Variants in MED28 observed in about 807,000 individuals in gnomAD.
The protein encoded by MED28 is mediator of RNA polymerase II transcription subunit 28.
A neutral mutation model predicts 21.3 loss-of-function variants in MED28; 26 were observed. The ratio of observed to expected loss-of-function variants is 1.22; its 90% confidence interval spans 0.89 to 1.69. The LOEUF (loss-of-function observed/expected upper bound fraction) is 1.69. Among genes scored for constraint, MED28 ranks in the 40% most tolerant of loss-of-function variants. The probability of loss-of-function intolerance (pLI) is 0.00; values close to 1 mark genes in which losing one functional copy is unlikely to be tolerated. For synonymous variants in MED28, 110 were observed against 87.6 expected, an observed-to-expected ratio of 1.26 and a Z score of -1.43; for missense variants, 257 against 215.4, an observed-to-expected ratio of 1.19 and a Z score of -1.21.
intron 2 of MED28, 128 bp downstream of exon 2, chr4:17,620,095 C>A: frequency 2.5e-6 from 2 of 807,272 alleles, no homozygotes; most frequent in South Asian, 1.5e-5. Flanking sequence ...AAAATGTGTG[C>A]ACATAATCTC....
Position 17,633,835 on chromosome 4 carries a change from G to C in MED28, c.*10037G>C, listed in dbSNP as rs1321877254. 16 of 1,551,448 alleles carry C rather than the reference G, an allele frequency of 1.0e-5. No individual in the cohort carries two copies. In the South Asian group the frequency reaches 1.8e-4, roughly 17 times the overall value. On this transcript the variant is annotated 3_prime_UTR_variant, in exon 4 of 4. Transcript: ENST00000237380. ...CACTCAGAAAGTTCTTTGCATAGGA[G>C]GCGAGGTTCGGCACGCTGACCACGC...
Position 17,632,598 on chromosome 4 carries a change from G to A in MED28, c.*8800G>A. The A allele has an allele frequency of 6.4e-7, 1 of 1,551,102 alleles. No individual in the cohort carries two copies. The highest frequency in any genetic ancestry group is 8.7e-7 in the Non-Finnish European group (1 of 1,146,686). On this transcript the variant is annotated 3_prime_UTR_variant, in exon 4 of 4. Transcript: ENST00000237380. ...AGCCCTGTTTCTGCTGGACTTCTTT[G>A]GCTTGGGCCGTTTCACCATCTGGGG...
chr4:17,623,720 C>G lies in MED28; in HGVS notation c.459C>G (p.Pro153=), dbSNP rs371644664. The G allele has an allele frequency of 6.2e-7, 1 of 1,614,186 alleles. No homozygotes were observed. The highest frequency in any genetic ancestry group is 1.1e-5 in the South Asian group (1 of 91,086). The change falls in exon 4 of 4, where the codon CCC becomes CCG. Residue 153 remains proline, a synonymous_variant. Coordinates refer to ENST00000237380, the MANE Select transcript of MED28 (RefSeq NM_025205.5). ...ACATCAACGTGCAGCACAAAAAGCC[C>G]GCCGACATCCCTCAGGGCTCCTTGG... is the stretch of plus-strand genomic sequence containing the variant. ...LEDINVQHKK[P]ADIPQGSLAY... is the part of the protein sequence containing the mutation.
chr4:17,623,580 G>T, intron 3 of MED28, 21 bp from the exon 4 acceptor site: 1 of 1,611,870 alleles, frequency 6.2e-7, no homozygotes, highest in South Asian at 1.1e-5. Flanking sequence ...CTCTGACTTA[G>T]TCCATGACTT....
Position 17,628,821 on chromosome 4 carries a change from C to A in MED28, c.*5023C>A, listed in dbSNP as rs750516709. On this transcript the variant is annotated 3_prime_UTR_variant, in exon 4 of 4. Coordinates refer to ENST00000237380, the MANE Select transcript of MED28 (RefSeq NM_025205.5). ...ACACTCACTCACACGAGGGGGTGGCCCAGTTGCTGAGGATTCCACCAGTGG... is the reference window on the plus strand; with the variant it reads ...ACACTCACTCACACGAGGGGGTGGCACAGTTGCTGAGGATTCCACCAGTGG... The A allele has an allele frequency of 6.6e-6, 1 of 152,162 alleles. No individual in the cohort carries two copies. The highest frequency in any genetic ancestry group is 1.5e-5 in the Non-Finnish European group (1 of 68,126). The allele number at this position is 152,162 out of a possible 1,614,324, so 9.4% of individuals were successfully genotyped here.
rs1170912100 is a variant in MED28, at chr4:17,632,514, T to C, written c.*8716T>C. On this transcript the variant is annotated 3_prime_UTR_variant, in exon 4 of 4. Coordinates refer to ENST00000237380, the MANE Select transcript of MED28 (RefSeq NM_025205.5). Reference sequence around the variant, plus strand: ...AATGTTTTTCAAGTATCCTCTGTGATGTATCCCAAAGGTTAGCTTAGAAAG... The same window carrying C: ...AATGTTTTTCAAGTATCCTCTGTGACGTATCCCAAAGGTTAGCTTAGAAAG... 6.5e-7 allele frequency: 1 copy of C among 1,527,218 alleles called. No homozygotes were observed. The highest frequency in any genetic ancestry group is 8.9e-7 in the Non-Finnish European group (1 of 1,126,584). 94.6% of individuals were successfully genotyped at this position (1,527,218 alleles called of 1,614,324 possible).
In MED28 at chr4:17,629,296, A is replaced by C. The variant is rs1484535363; in HGVS notation, c.*5498A>C. The C allele has an allele frequency of 6.6e-6, 1 of 152,192 alleles. No homozygotes were observed. The highest frequency in any genetic ancestry group is 6.5e-5 in the Admixed American group (1 of 15,278). The allele number at this position is 152,192 out of a possible 1,614,324, so 9.4% of individuals were successfully genotyped here. ...TGAGGTGACGGTAGAGATCAGTGCTACCCTTGGAAATCTGACAGATACAGT... is the reference window on the plus strand; with the variant it reads ...TGAGGTGACGGTAGAGATCAGTGCTCCCCTTGGAAATCTGACAGATACAGT... On this transcript the variant is annotated 3_prime_UTR_variant, in exon 4 of 4. Coordinates refer to ENST00000237380, the MANE Select transcript of MED28 (RefSeq NM_025205.5).
In MED28 at chr4:17,619,933, T is replaced by C; in HGVS notation, c.192T>C (p.Tyr64=). The change falls in exon 2 of 4, where the codon TAT becomes TAC. Residue 64 remains tyrosine, a synonymous_variant. Coordinates refer to ENST00000237380, the MANE Select transcript of MED28 (RefSeq NM_025205.5). The part of the protein sequence containing the change: ...ACFASLVSQD[Y]VNGTDQEEIR... ...TTGCATCTCTGGTGAGTCAGGACTA[T>C]GTCAATGGCACCGATCAGGAAGAAA... is the stretch of plus-strand genomic sequence containing the variant. 1 of 1,614,212 alleles carries C rather than the reference T, an allele frequency of 6.2e-7. No homozygotes were observed. Among genetic ancestry groups the C allele is most frequent in the South Asian group, 1.1e-5 (1 of 91,086 alleles).
rs1160912541 is a variant in MED28, at chr4:17,628,033, A to G, written c.*4235A>G. Reference sequence around the variant, plus strand: ...GTTTCTCCTGAGAAAGAAAAAAACCACCTGTCCCTGACATTCAGAAGCTGA... The same window carrying G: ...GTTTCTCCTGAGAAAGAAAAAAACCGCCTGTCCCTGACATTCAGAAGCTGA... On this transcript the variant is annotated 3_prime_UTR_variant, in exon 4 of 4. Transcript: ENST00000237380. The G allele has an allele frequency of 3.9e-5, 6 of 151,904 alleles. No homozygotes were observed. In the East Asian group the frequency reaches 7.7e-4, roughly 20 times the overall value. 9.4% of individuals were successfully genotyped at this position (151,904 alleles called of 1,614,324 possible).
intron 1 of MED28, among the ~76,000 whole-genome samples, chr4:17,617,299 C>A (rs944588066): frequency 1.3e-5 from 2 of 152,222 alleles, no homozygotes; most frequent in Non-Finnish European, 1.5e-5. Context: ...TCACAGCCTC[C>A]AGTGGCACAT....
Position 17,624,125 on chromosome 4 carries a change from G to A in MED28, c.*327G>A, listed in dbSNP as rs76919299. 8.9e-3 allele frequency: 2,852 copies of A among 319,828 alleles called. 92 individuals are homozygous for A. The highest frequency in any genetic ancestry group is 0.056 in the African/African-American group (2,660 of 47,104). 19.8% of individuals were successfully genotyped at this position (319,828 alleles called of 1,614,324 possible). A position where few individuals can be genotyped will look rare whatever the true frequency, so the allele number is the denominator to read the frequency against. ...TTTGCATGACTTTTCATCTTTTTAT[G>A]TGTGTTTCCTGTAGTTTGATCCGAA... is the stretch of plus-strand genomic sequence containing the variant. On this transcript the variant is annotated 3_prime_UTR_variant, in exon 4 of 4. Coordinates refer to ENST00000237380, the MANE Select transcript of MED28 (RefSeq NM_025205.5).
intron 1 of MED28, among the ~76,000 whole-genome samples, chr4:17,616,870 A>G (rs1714468588): frequency 1.3e-5 from 2 of 152,234 alleles, no homozygotes; most frequent in Admixed American, 6.5e-5. Context: ...GCTTGTGCAC[A>G]GAACTCCTTG....
At position 17,614,669 on chromosome 4, in the gene MED28, A is replaced by G; in HGVS notation, c.15A>G (p.Leu5=). 1 of 1,611,830 alleles carries G rather than the reference A, an allele frequency of 6.2e-7. No individual in the cohort carries two copies. The highest frequency in any genetic ancestry group is 8.5e-7 in the Non-Finnish European group (1 of 1,179,402). Residue 5 remains leucine (L), a synonymous_variant, in exon 1 of 4, where the codon CTA becomes CTG. Coordinates refer to ENST00000237380, the MANE Select transcript of MED28 (RefSeq NM_025205.5). MAAP[L]GGMFSGQPPG... ...CCATTCCAAACATGGCGGCTCCACT[A>G]GGGGGTATGTTTTCTGGGCAGCCAC...
At position 17,630,030 on chromosome 4, in the gene MED28, T is replaced by C. The variant is rs972799962; in HGVS notation, c.*6232T>C. On this transcript the variant is annotated 3_prime_UTR_variant, in exon 4 of 4. Transcript: ENST00000237380. ...ATCATTGCAGGGTAGAATTTAGAAA[T>C]TTAAGACTGAAAGATCTTTTCAGTC... is the stretch of plus-strand genomic sequence containing the variant. 2 of 152,168 alleles carry C rather than the reference T, an allele frequency of 1.3e-5. No homozygotes were observed. The highest frequency in any genetic ancestry group is 2.9e-5 in the Non-Finnish European group (2 of 68,030). 9.4% of individuals were successfully genotyped at this position (152,168 alleles called of 1,614,324 possible). A position where few individuals can be genotyped will look rare whatever the true frequency, so the allele number is the denominator to read the frequency against.
At chr4:17,619,572 GAGTTGTGTAAGCACCA>G (rs1714558519) in intron 1 of MED28, among the ~76,000 whole-genome samples, 1 of 152,132 alleles carries the variant, frequency 6.6e-6, no homozygotes, top group African/African-American at 2.4e-5. Flanking sequence ...GTGGTGATGT[GAGTTGTGTAAGCACCA>G]GCAAGAGGCC....
In MED28 at chr4:17,628,334, A is replaced by G. The variant is rs1267526649; in HGVS notation, c.*4536A>G. ...TATGTGTATGTATGTGTGTATATATATATGTGTGTGTGTATATATATATAT... is the reference window on the plus strand; with the variant it reads ...TATGTGTATGTATGTGTGTATATATGTATGTGTGTGTGTATATATATATAT... On this transcript the variant is annotated 3_prime_UTR_variant, in exon 4 of 4. Transcript: ENST00000237380. 3.3e-5 allele frequency: 5 copies of G among 150,720 alleles called. No individual in the cohort carries two copies. Among genetic ancestry groups the G allele is most frequent in the Non-Finnish European group, 7.4e-5 (5 of 67,818 alleles). 9.3% of individuals were successfully genotyped at this position (150,720 alleles called of 1,614,324 possible).
intron 2 of MED28, among the ~76,000 whole-genome samples, chr4:17,620,675 G>A (rs1341344145): frequency 6.8e-6 from 1 of 147,570 alleles, no homozygotes; most frequent in Non-Finnish European, 1.5e-5. Context: ...GCTGATTGCT[G>A]GATCTCTGCA....
chr4:17,620,354 GTT>G (rs34093588), intron 2 of MED28, among the ~76,000 whole-genome samples: 7 of 141,184 alleles, frequency 5.0e-5, no homozygotes, highest in Admixed American at 7.1e-5. Flanking sequence ...TATTTTACAT[GTT>G]TTTTTTTTTT....
At chr4:17,617,368 G>C (rs1431724692) in intron 1 of MED28, among the ~76,000 whole-genome samples, 1 of 152,204 alleles carries the variant, frequency 6.6e-6, no homozygotes, top group African/African-American at 2.4e-5. Context: ...TGAGGTCTCT[G>C]TCTGCTCATT....
Sources: allele counts gnomAD v4.1 joint callset (sites outside exome capture counted in the v4.1 genomes callset), GRCh38; gene constraint gnomAD v4.1.1; transcripts MANE v1.5; gene names NCBI Gene and HGNC (gene_info 2026-07-23, HGNC 2026-07-21).